The following CCDC60 variants were observed in gnomAD, a reference collection of about 807,000 sequenced individuals.
CCDC60 encodes coiled-coil domain-containing protein 60.
CCDC60 carries 54 observed loss-of-function variants against 63.5 expected under a neutral mutation model. The ratio of observed to expected loss-of-function variants is 0.85; its 90% CI spans 0.68 to 1.07. The LOEUF (loss-of-function observed/expected upper bound fraction) is 1.07. Ranked by LOEUF, CCDC60 falls within the 50% of genes least tolerant of loss-of-function variation. The pLI, the probability that CCDC60 is intolerant of heterozygous loss-of-function variation, is 0.00. For missense variants in CCDC60, 651 were observed against 684.3 expected, an observed-to-expected ratio of 0.95 and a Z score of 0.54; for synonymous variants, 206 against 238.8, an observed-to-expected ratio of 0.86 and a Z score of 1.27.
chr12:119,446,671 G>A (rs191220242), intron 2 of CCDC60, among the ~76,000 whole-genome samples: 39 of 150,834 alleles, frequency 2.6e-4, no homozygotes, highest in Middle Eastern at 3.4e-3. Context: ...GAGTGTCTAC[G>A]ATGGTTCACT....
chr12:119,414,720 G>T (rs565758169), intron 1 of CCDC60, among the ~76,000 whole-genome samples: 202 of 152,034 alleles, frequency 1.3e-3, no homozygotes, highest in African/African-American at 4.6e-3. Flanking sequence ...CCAGCTAATT[G>T]TTTTGTTTTT....
At position 119,439,150 on chromosome 12, in the gene CCDC60, C is replaced by CAAAAAA. The variant is rs11317847; in HGVS notation, c.170+10407_170+10412dup. Among the ~76,000 whole-genome samples, 9 of 72,278 alleles carry CAAAAAA rather than the reference C, an allele frequency of 1.2e-4. No homozygotes were observed. In the East Asian group the frequency reaches 1.5e-3, roughly 12 times the overall value. The allele number at this position is 72,278 out of a possible 152,430, so 47.4% of individuals were successfully genotyped here. On this transcript the variant is annotated intron_variant, in intron 2 of 13. Transcript: ENST00000327554. ...ACAGTATATACATCCCTTTTCTGGG[C>CAAAAAA]AAAAAAAAAAAAAAAAAAAAAAAAG...
chr12:119,421,012 C>T (rs905655691), intron 1 of CCDC60, among the ~76,000 whole-genome samples: 1 of 152,028 alleles, frequency 6.6e-6, no homozygotes, highest in African/African-American at 2.4e-5. Flanking sequence ...AGCAAGCTCG[C>T]TTCTCAGTGC....
At chr12:119,500,523 C>T (rs1430277341) in intron 6 of CCDC60, among the ~76,000 whole-genome samples, 1 of 150,184 alleles carries the variant, frequency 6.7e-6, no homozygotes, top group African/African-American at 2.5e-5. Flanking sequence ...TCGCTTCCTC[C>T]CTCACCGCCC....
At chr12:119,482,330 CTATTAT>C (rs752211483) in intron 4 of CCDC60, among the ~76,000 whole-genome samples, 1 of 150,978 alleles carries the variant, frequency 6.6e-6, no homozygotes, top group Non-Finnish European at 1.5e-5. Flanking sequence ...TAGGCTATTA[CTATTAT>C]TATTATTATT....
At chr12:119,521,674 C>A (rs933256565) in intron 9 of CCDC60, among the ~76,000 whole-genome samples, 1 of 152,062 alleles carries the variant, frequency 6.6e-6, no homozygotes, top group Non-Finnish European at 1.5e-5. Context: ...GACAGGCAGA[C>A]GGGTTTTTTG....
At chr12:119,523,483 C>T (rs1342878899) in intron 10 of CCDC60, among the ~76,000 whole-genome samples, 4 of 152,184 alleles carry the variant, frequency 2.6e-5, no homozygotes, top group Admixed American at 1.3e-4. Context: ...AGGGTCTGAA[C>T]GACCATCCTG....
intron 11 of CCDC60, among the ~76,000 whole-genome samples, chr12:119,524,053 C>T (rs1952609313): frequency 6.6e-6 from 1 of 152,128 alleles, no homozygotes; most frequent in Non-Finnish European, 1.5e-5. Flanking sequence ...TGCTATGAGA[C>T]AGAGATAGAG....
chr12:119,398,224 G>A (rs969752259), intron 1 of CCDC60, among the ~76,000 whole-genome samples: 13 of 151,652 alleles, frequency 8.6e-5, no homozygotes, highest in Non-Finnish European at 1.6e-4. Context: ...ATTTGAGTGC[G>A]GTGCGGGCAG....
chr12:119,392,326 T>C (rs944373086), intron 1 of CCDC60, among the ~76,000 whole-genome samples: 1 of 152,098 alleles, frequency 6.6e-6, no homozygotes, highest in Admixed American at 6.6e-5. Flanking sequence ...GTAGCCAGCT[T>C]TGAACTAAGT....
At chr12:119,446,757 C>T (rs1334142574) in intron 2 of CCDC60, among the ~76,000 whole-genome samples, 1 of 151,716 alleles carries the variant, frequency 6.6e-6, no homozygotes, top group Non-Finnish European at 1.5e-5. Flanking sequence ...CTTGCATGGC[C>T]CCTGTAAGTT....
intron 1 of CCDC60, among the ~76,000 whole-genome samples, chr12:119,372,808 G>A (rs1031936084): frequency 7.2e-5 from 11 of 152,152 alleles, no homozygotes; most frequent in African/African-American, 2.4e-4. Flanking sequence ...GTGACATGCA[G>A]CGTAATTTTA....
At chr12:119,404,103 C>G (rs1956442118) in intron 1 of CCDC60, among the ~76,000 whole-genome samples, 1 of 152,146 alleles carries the variant, frequency 6.6e-6, no homozygotes, top group South Asian at 2.1e-4. Context: ...GCCTGGCCAA[C>G]ATGGCGAAAC....
intron 7 of CCDC60, among the ~76,000 whole-genome samples, chr12:119,510,179 T>C (rs993816288): frequency 6.6e-6 from 1 of 152,214 alleles, no homozygotes; most frequent in African/African-American, 2.4e-5. Context: ...TCTGATATAG[T>C]TCTCTCTAGC....
chr12:119,427,521 G>T (rs1956923322), intron 1 of CCDC60, among the ~76,000 whole-genome samples: 1 of 152,162 alleles, frequency 6.6e-6, no homozygotes, highest in Non-Finnish European at 1.5e-5. Flanking sequence ...CAGCATGCTG[G>T]TGAACAGTTT....
chr12:119,381,685 C>T (rs1318055322), intron 1 of CCDC60, among the ~76,000 whole-genome samples: 2 of 152,156 alleles, frequency 1.3e-5, no homozygotes, highest in Non-Finnish European at 2.9e-5. Flanking sequence ...CCTGCTATTG[C>T]CACCCCATTC....
chr12:119,372,205 A>G (rs942242023), intron 1 of CCDC60, among the ~76,000 whole-genome samples: 1 of 152,114 alleles, frequency 6.6e-6, no homozygotes, highest in Non-Finnish European at 1.5e-5. Context: ...GTTTGCAGTG[A>G]GCTGAGATCA....
intron 3 of CCDC60, among the ~76,000 whole-genome samples, chr12:119,473,821 T>C (rs2136331677): frequency 6.6e-6 from 1 of 152,222 alleles, no homozygotes; most frequent in East Asian, 1.9e-4. Flanking sequence ...TTCCATGGTG[T>C]ATATATATAT....
At chr12:119,519,944 C>CG (rs1952475998) in intron 8 of CCDC60, among the ~76,000 whole-genome samples, 177 bp from the exon 9 acceptor site, 1 of 151,874 alleles carries the variant, frequency 6.6e-6, no homozygotes, top group Non-Finnish European at 1.5e-5. Context: ...ATTCAAGTCC[C>CG]AGGAAATGTG....
Sources: allele counts gnomAD v4.1 joint callset (sites outside exome capture counted in the v4.1 genomes callset), GRCh38; gene constraint gnomAD v4.1.1; transcripts MANE v1.5; gene names NCBI Gene and HGNC (gene_info 2026-07-23, HGNC 2026-07-21).